The following UBE2K variants were observed in gnomAD, a reference collection of about 807,000 sequenced individuals.
UBE2K encodes the protein ubiquitin conjugating enzyme E2 K.
In UBE2K, 6 loss-of-function variants were observed where a neutral mutation model predicts 30.0. The ratio of observed to expected loss-of-function variants is 0.20; its 90% CI spans 0.11 to 0.39. UBE2K has a LOEUF of 0.39. UBE2K is among the 10% of genes least tolerant of loss of function. The probability of loss-of-function intolerance (pLI) is 1.00; values close to 1 mark genes in which losing one functional copy is unlikely to be tolerated. For synonymous variants in UBE2K, 86 were observed against 83.7 expected (o/e 1.03, Z -0.15); for missense variants, 61 against 241.6 (o/e 0.25, Z 4.96).
At chr4:39,760,055 T>G (rs1403336003) in intron 4 of UBE2K, among the ~76,000 whole-genome samples, 1 of 151,100 alleles carries the variant, frequency 6.6e-6, no homozygotes, top group Non-Finnish European at 1.5e-5. Context: ...TGGGCACCTG[T>G]AATCCCAGCT....
intron 1 of UBE2K, among the ~76,000 whole-genome samples, chr4:39,700,818 C>T (rs1021554469): frequency 6.6e-6 from 1 of 152,132 alleles, no homozygotes; most frequent in Non-Finnish European, 1.5e-5. Flanking sequence ...CTGACGCTTA[C>T]TGGATTCTGG....
At chr4:39,703,844 CA>C (rs33995934) in intron 1 of UBE2K, among the ~76,000 whole-genome samples, 31,562 of 103,824 alleles carry the variant, frequency 0.3, 2,610 homozygotes, top group Admixed American at 0.43. Context: ...GACTCCATCT[CA>C]AAAAAAAAAA....
At chr4:39,735,661 A>G (rs536034344) in intron 1 of UBE2K, among the ~76,000 whole-genome samples, 13 of 152,274 alleles carry the variant, frequency 8.5e-5, no homozygotes, top group East Asian at 3.9e-4. Flanking sequence ...GATTACAGGC[A>G]TGAGCCACCG....
intron 4 of UBE2K, among the ~76,000 whole-genome samples, chr4:39,766,148 G>C (rs1389735403): frequency 6.6e-6 from 1 of 151,624 alleles, no homozygotes; most frequent in Non-Finnish European, 1.5e-5. Flanking sequence ...TAGTAACTCT[G>C]TGTTTTTTGT....
At chr4:39,746,061 C>G (rs1477625448) in intron 3 of UBE2K, among the ~76,000 whole-genome samples, 10 of 151,988 alleles carry the variant, frequency 6.6e-5, no homozygotes, top group Non-Finnish European at 1.2e-4. Flanking sequence ...GACAATGGCT[C>G]ATATACTAGA....
chr4:39,718,155 C>T (rs1473121306), intron 1 of UBE2K, among the ~76,000 whole-genome samples: 15 of 152,160 alleles, frequency 9.9e-5, no homozygotes, highest in African/African-American at 2.7e-4. Context: ...GTCCATTTTA[C>T]AGAGAGCTGA....
intron 2 of UBE2K, among the ~76,000 whole-genome samples, chr4:39,741,819 C>T (rs967123507): frequency 1.3e-5 from 2 of 152,110 alleles, no homozygotes; most frequent in Non-Finnish European, 2.9e-5. Flanking sequence ...ATTCCTTCCT[C>T]ATCTCCTCTT....
chr4:39,734,482 AAAAG>A (rs1200783628), intron 1 of UBE2K, among the ~76,000 whole-genome samples: 3 of 152,074 alleles, frequency 2.0e-5, no homozygotes, highest in Admixed American at 6.6e-5. Flanking sequence ...TAGAGTGAAA[AAAAG>A]AGCAATTTTT....
intron 1 of UBE2K, among the ~76,000 whole-genome samples, chr4:39,700,862 G>A (rs1456852120): frequency 6.6e-6 from 1 of 152,202 alleles, no homozygotes; most frequent in South Asian, 2.1e-4. Context: ...TTCTTAGAGT[G>A]TGTTAAAATA....
rs951563760 is a variant in UBE2K at position 39,781,995 on chromosome 4, C to G, written c.*3561C>G. On this transcript the variant is annotated 3_prime_UTR_variant, in exon 7 of 7. Transcript: ENST00000261427. ...TCTTCAGTGTCTACATATTATGTCA[C>G]ACGTTCTATTTGCACTGCTGCAATA... 1 of 398,268 alleles carries G rather than the reference C, an allele frequency of 2.5e-6. No homozygotes were observed. Among genetic ancestry groups the G allele is most frequent in the Non-Finnish European group, 4.4e-6 (1 of 225,898 alleles). 24.7% of individuals were successfully genotyped at this position (398,268 alleles called of 1,614,324 possible).
intron 4 of UBE2K, among the ~76,000 whole-genome samples, chr4:39,773,794 G>T (rs1022609559): frequency 6.6e-6 from 1 of 151,928 alleles, no homozygotes; most frequent in Non-Finnish European, 1.5e-5. Flanking sequence ...GGTGGCGGGC[G>T]CCTGTTGTCC....
chr4:39,770,035 C>G (rs1304533857), intron 4 of UBE2K: 1 of 1,470,832 alleles, frequency 6.8e-7, no homozygotes, highest in African/African-American at 1.4e-5. Flanking sequence ...GCCCTTTCCC[C>G]ACCTAGCCCA....
intron 1 of UBE2K, among the ~76,000 whole-genome samples, chr4:39,718,598 G>C (rs147823891): frequency 4.6e-5 from 7 of 152,240 alleles, no homozygotes; most frequent in East Asian, 1.9e-4. Flanking sequence ...CCCACGGCAG[G>C]GGGGCAGGAC....
intron 1 of UBE2K, 148 bp downstream of exon 1, chr4:39,698,538 C>T (rs555061935): frequency 1.1e-4 from 76 of 709,918 alleles, no homozygotes; most frequent in Non-Finnish European, 1.7e-4. Flanking sequence ...TTCCCCTCCT[C>T]CTTCCGCCGC....
At chr4:39,718,835 G>A (rs1719257034) in intron 1 of UBE2K, among the ~76,000 whole-genome samples, 1 of 152,264 alleles carries the variant, frequency 6.6e-6, no homozygotes, top group Non-Finnish European at 1.5e-5. Flanking sequence ...TGGAAATCTA[G>A]CTGGCCTGCA....
chr4:39,704,495 C>T (rs188442328), intron 1 of UBE2K, among the ~76,000 whole-genome samples: 6 of 151,984 alleles, frequency 3.9e-5, no homozygotes, highest in Admixed American at 3.9e-4. Context: ...GAGCTCTGTC[C>T]ATTGGGCGTA....
chr4:39,735,411 C>T lies in UBE2K; in HGVS notation c.64-2009C>T, dbSNP rs373998037. ...TTTTGGTTTTTTTGAGACGGAGTCTCGTTCTGTCACCCAGGCTGGAGTGCA... is the reference window on the plus strand; with the variant it reads ...TTTTGGTTTTTTTGAGACGGAGTCTTGTTCTGTCACCCAGGCTGGAGTGCA... On this transcript the variant is annotated intron_variant, in intron 1 of 6. Coordinates refer to ENST00000261427, the MANE Select transcript of UBE2K (RefSeq NM_005339.5). 1.2e-4 allele frequency among the ~76,000 whole-genome samples: 19 copies of T among 152,256 alleles called. No individual in the cohort carries two copies. In the East Asian group the frequency reaches 2.5e-3, roughly 20 times the overall value.
At chr4:39,718,321 C>G (rs1719220216) in intron 1 of UBE2K, among the ~76,000 whole-genome samples, 1 of 152,196 alleles carries the variant, frequency 6.6e-6, no homozygotes, top group Non-Finnish European at 1.5e-5. Flanking sequence ...GAGCTAGACA[C>G]AGAGTGCTGA....
At chr4:39,703,949 T>C (rs893655621) in intron 1 of UBE2K, among the ~76,000 whole-genome samples, 1 of 151,862 alleles carries the variant, frequency 6.6e-6, no homozygotes, top group Non-Finnish European at 1.5e-5. Flanking sequence ...ACAAAAAATA[T>C]ATACTGGCTT....
Sources: gnomAD v4.1 joint callset for allele counts (sites outside exome capture counted in the v4.1 genomes callset) on GRCh38, gnomAD v4.1.1 for gene constraint, MANE v1.5 for transcripts, NCBI Gene and HGNC (gene_info 2026-07-23, HGNC 2026-07-21) for gene names.